TSHZ3: variants seen among roughly 807,000 people sequenced by gnomAD.
The protein encoded by TSHZ3 is teashirt zinc finger homeobox 3, also known as teashirt homolog 3.
Under a neutral mutation model 64.5 loss-of-function variants are expected in TSHZ3, and 10 were observed. The ratio of observed to expected loss-of-function variants is 0.16; its 90% CI spans 0.10 to 0.26. TSHZ3 has a LOEUF of 0.26. Among genes scored for constraint, TSHZ3 ranks in the 10% least tolerant of loss-of-function variants. TSHZ3 has a pLI of 1.00. For missense variants in TSHZ3, 1,242 were observed against 1,421.7 expected, an observed-to-expected ratio of 0.87 and a Z score of 2.03; for synonymous variants, 608 against 593.1, an observed-to-expected ratio of 1.03 and a Z score of -0.36.
intron 1 of TSHZ3, among the ~76,000 whole-genome samples, chr19:31,311,198 C>G (rs953149706): frequency 1.3e-5 from 2 of 152,226 alleles, no homozygotes; most frequent in Non-Finnish European, 2.9e-5. Flanking sequence ...TTATAAAAAG[C>G]AGATAAACTT....
intron 1 of TSHZ3, among the ~76,000 whole-genome samples, chr19:31,309,580 G>A (rs1445912573): frequency 2.0e-5 from 3 of 152,132 alleles, no homozygotes; most frequent in Non-Finnish European, 2.9e-5. Flanking sequence ...TTAGCACAGG[G>A]GTCAAGAAAG....
chr19:31,207,620 A>G (rs1434217475), intron 4 of TSHZ3: 1 of 152,198 alleles, frequency 6.6e-6, no homozygotes, highest in Non-Finnish European at 1.5e-5. Context: ...TAATATTACA[A>G]TGGAAACTTG....
downstream of TSHZ3, among the ~76,000 whole-genome samples, chr19:31,270,256 A>G (rs1410255820): frequency 6.6e-6 from 1 of 152,242 alleles, no homozygotes; most frequent in East Asian, 1.9e-4. Context: ...TGAACTGGAA[A>G]CACACTTACA....
intron 1 of TSHZ3, among the ~76,000 whole-genome samples, chr19:31,268,546 G>C (rs1430456567): frequency 6.6e-6 from 1 of 152,224 alleles, no homozygotes; most frequent in Non-Finnish European, 1.5e-5. Context: ...GATTGACACA[G>C]TGGGGCCCAG....
chr19:31,181,309 G>C (rs964747366), intron 5 of TSHZ3, among the ~76,000 whole-genome samples: 3 of 152,182 alleles, frequency 2.0e-5, no homozygotes. Context: ...GCAGGAAGCA[G>C]ATTGGCAGGG....
chr19:31,298,184 C>T (rs1445074839), intron 1 of TSHZ3, among the ~76,000 whole-genome samples: 1 of 152,116 alleles, frequency 6.6e-6, no homozygotes, highest in Non-Finnish European at 1.5e-5. Flanking sequence ...CCTCCCACAA[C>T]CCAGCTGATG....
chr19:31,189,152 C>T (rs989452149), intron 5 of TSHZ3, among the ~76,000 whole-genome samples: 2 of 151,570 alleles, frequency 1.3e-5, no homozygotes, highest in African/African-American at 4.8e-5. Context: ...TTTGTGTTTC[C>T]CCTCTTCTGT....
At chr19:31,346,560 G>T (rs981242999) in intron 1 of TSHZ3, among the ~76,000 whole-genome samples, 12 of 151,928 alleles carry the variant, frequency 7.9e-5, no homozygotes, top group African/African-American at 2.7e-4. Context: ...AGTTTGGAGG[G>T]GAAAAAAATT....
chr19:31,326,875 C>T (rs1034089644), intron 1 of TSHZ3, among the ~76,000 whole-genome samples: 1 of 152,224 alleles, frequency 6.6e-6, no homozygotes, highest in Non-Finnish European at 1.5e-5. Flanking sequence ...ACGCAGCCTT[C>T]GGCTCTGATG....
At position 31,277,413 on chromosome 19, in the gene TSHZ3, T is replaced by C; in HGVS notation, c.2380A>G (p.Lys794Glu). The change falls in exon 2 of 2, where the codon AAA becomes GAA. Residue 794 changes from lysine to glutamate, a missense_variant. This residue lies in a region of TSHZ3 where 550 missense variants were observed against 545.1 expected (regional missense o/e 1.01). Transcript: ENST00000240587. This position sits in a 1 kb window ranked among gnomAD's most constrained non-coding sequence, Gnocchi z 4.5. ...VNNDQPIDLT[K>E]GKSDKGCSLG... ...GAGCAGCCTTTGTCACTCTTCCCTTTTGTCAAGTCTATGGGCTGGTCGTTG... is the reference window on the plus strand; with the variant it reads ...GAGCAGCCTTTGTCACTCTTCCCTTCTGTCAAGTCTATGGGCTGGTCGTTG... 6.2e-7 allele frequency: 1 copy of C among 1,614,058 alleles called. No homozygotes were observed. Among genetic ancestry groups the C allele is most frequent in the Non-Finnish European group, 8.5e-7 (1 of 1,180,002 alleles).
chr19:31,249,046 C>T (rs1017271553), intron 1 of TSHZ3, among the ~76,000 whole-genome samples: 1 of 150,052 alleles, frequency 6.7e-6, no homozygotes, highest in Non-Finnish European at 1.5e-5. Context: ...CTAGTCCCTC[C>T]CTGCTCGCTT....
rs543616488 is a variant in TSHZ3 at position 31,212,613 on chromosome 19, C to T, written n.687-7535G>A. Among the ~76,000 whole-genome samples the T allele has an allele frequency of 4.6e-5, 7 of 152,246 alleles. No individual in the cohort carries two copies. The East Asian group carries it at 1.4e-3, about 29-fold the overall frequency. ...ACAACTCCCAGTGCTTCCAAGAGTA[C>T]TGGGGAACTCTGTTACCGGAACTCT... On this transcript the variant is annotated intron_variant and non_coding_transcript_variant, in intron 4 of 6. Transcript: ENST00000651361.
At chr19:31,287,355 GTCT>G (rs1568369941) in intron 1 of TSHZ3, among the ~76,000 whole-genome samples, 2 of 152,128 alleles carry the variant, frequency 1.3e-5, no homozygotes, top group South Asian at 2.1e-4. Context: ...TTTTCCGCAT[GTCT>G]TCTTATTACG....
At chr19:31,348,785 A>G (rs1010923631) in intron 1 of TSHZ3, 1 of 198,438 alleles carries the variant, frequency 5.0e-6, no homozygotes, top group Non-Finnish European at 1.0e-5. Flanking sequence ...GACACCAGGC[A>G]GTCCCCCGGC....
At chr19:31,242,982 C>A (rs1439930946) in intron 1 of TSHZ3, among the ~76,000 whole-genome samples, 2 of 151,936 alleles carry the variant, frequency 1.3e-5, no homozygotes, top group African/African-American at 4.8e-5. Flanking sequence ...ATCTTCCCAT[C>A]TCAGTCCACC....
At chr19:31,297,815 C>T (rs957896045) in intron 1 of TSHZ3, among the ~76,000 whole-genome samples, 5 of 152,144 alleles carry the variant, frequency 3.3e-5, no homozygotes, top group Non-Finnish European at 5.9e-5. Context: ...GGAGAGGACA[C>T]TCAAAATAAA....
rs551907418 is a variant in TSHZ3, at chr19:31,214,997, A to G, written n.687-9919T>C. 6.6e-5 allele frequency among the ~76,000 whole-genome samples: 10 copies of G among 151,632 alleles called. No individual in the cohort carries two copies. The South Asian group carries it at 2.1e-3, about 32-fold the overall frequency. On this transcript the variant is annotated intron_variant and non_coding_transcript_variant, in intron 4 of 6. Transcript: ENST00000651361. ...TTTGCCAAAAATGTAACAAAGCAGG[A>G]GGGGATTAAAATAAAATTTTTAAAA...
At chr19:31,271,531 T>G (rs1376151941), downstream of TSHZ3, among the ~76,000 whole-genome samples, 1 of 152,184 alleles carries the variant, frequency 6.6e-6, no homozygotes, top group Non-Finnish European at 1.5e-5. Flanking sequence ...CCCTGAAGCT[T>G]TATGCTAAGA....
chr19:31,197,942 T>C (rs1010467419), intron 5 of TSHZ3, among the ~76,000 whole-genome samples: 16 of 152,170 alleles, frequency 1.1e-4, no homozygotes, highest in African/African-American at 2.9e-4. Context: ...GTCTAACTCA[T>C]TCTGAGCAGC....
Sources: gnomAD v4.1 joint callset for allele counts (sites outside exome capture counted in the v4.1 genomes callset) on GRCh38, gnomAD v4.1.1 for gene constraint, gnomAD v4.1.1 regional missense constraint, Gnocchi (gnomAD v3.1) non-coding constraint, MANE v1.5 for transcripts, NCBI Gene and HGNC (gene_info 2026-07-23, HGNC 2026-07-21) for gene names.